The following CPEB3 variants were observed in gnomAD, a reference collection of about 807,000 sequenced individuals.
CPEB3 encodes the protein cytoplasmic polyadenylation element binding protein 3.
Under a neutral mutation model 67.2 loss-of-function variants are expected in CPEB3, and 20 were observed. The ratio of observed to expected loss-of-function variants is 0.30; its 90% CI spans 0.21 to 0.43. The LOEUF (loss-of-function observed/expected upper bound fraction) is 0.43, where lower values mean the gene tolerates loss of function less well. CPEB3 is among the 20% of genes least tolerant of loss of function. The probability of loss-of-function intolerance (pLI) is 1.00; values close to 1 mark genes in which losing one functional copy is unlikely to be tolerated. For missense variants in CPEB3, 746 were observed against 968.6 expected (o/e 0.77, Z 3.05); for synonymous variants, 376 against 393.1 (o/e 0.96, Z 0.51).
chr10:92,243,889 C>A (rs1247883690), intron 1 of CPEB3, among the ~76,000 whole-genome samples: 1 of 152,102 alleles, frequency 6.6e-6, no homozygotes, highest in East Asian at 1.9e-4. Flanking sequence ...AATGCAGGAA[C>A]AAATCACTTA....
Position 92,221,755 on chromosome 10 carries a change from G to A in CPEB3, c.1005+17591C>T, listed in dbSNP as rs549335942. On this transcript the variant is annotated intron_variant, in intron 2 of 9. Coordinates refer to ENST00000265997, the MANE Select transcript of CPEB3 (RefSeq NM_014912.5). ...CCCAGCTACACAGAAGGCTGAGGCA[G>A]GAGGATAGCTTGAGCCCAGGAGTTC... Among the ~76,000 whole-genome samples, 5 of 152,276 alleles carry A rather than the reference G, an allele frequency of 3.3e-5. No individual in the cohort carries two copies. In the East Asian group the frequency reaches 9.7e-4, roughly 29 times the overall value.
chr10:92,153,394 C>T (rs533654714), intron 4 of CPEB3, among the ~76,000 whole-genome samples: 9 of 152,280 alleles, frequency 5.9e-5, no homozygotes, highest in Non-Finnish European at 1.2e-4. Flanking sequence ...ATAACAGTAA[C>T]TCTAATCATT....
intron 3 of CPEB3, among the ~76,000 whole-genome samples, chr10:92,188,889 T>C (rs1848826105): frequency 6.6e-6 from 1 of 152,182 alleles, no homozygotes; most frequent in African/African-American, 2.4e-5. Context: ...AGAGAAACTT[T>C]TAAAATTTCC....
chr10:92,240,063 G>A lies in CPEB3; in HGVS notation c.288C>T (p.Pro96=). 1.3e-6 allele frequency: 2 copies of A among 1,591,066 alleles called. No homozygotes were observed. The highest frequency in any genetic ancestry group is 1.7e-6 in the Non-Finnish European group (2 of 1,168,758). ...GCGACAGCGACGCGCCCGGTGCCGC[G>A]GGCTCCTGAGGCGGCGGCGGCTGCT... ...PPQQPPPPQE[P]AAPGASLSPS... is the part of the protein sequence containing the mutation. Residue 96 remains proline (P), a synonymous_variant, in exon 2 of 10, where the codon CCC becomes CCT. Transcript: ENST00000265997.
intron 2 of CPEB3, among the ~76,000 whole-genome samples, chr10:92,203,015 C>G (rs1849589962): frequency 6.7e-6 from 1 of 150,342 alleles, no homozygotes; most frequent in African/African-American, 2.4e-5. Flanking sequence ...CATCTTGGCT[C>G]ACTGCAACCT....
chr10:92,134,222 A>G (rs1845980980), intron 6 of CPEB3, among the ~76,000 whole-genome samples: 7 of 152,236 alleles, frequency 4.6e-5, no homozygotes, highest in Admixed American at 3.9e-4. Flanking sequence ...AGAGGAAGTC[A>G]AATTGTCCCT....
At chr10:92,199,240 A>T (rs541972385) in intron 2 of CPEB3, among the ~76,000 whole-genome samples, 2 of 151,886 alleles carry the variant, frequency 1.3e-5, no homozygotes, top group South Asian at 4.2e-4. Context: ...AAAAATCCAA[A>T]ATTAGTCAGG....
At chr10:92,188,356 A>C (rs777980021) in intron 3 of CPEB3, among the ~76,000 whole-genome samples, 15 of 140,428 alleles carry the variant, frequency 1.1e-4, no homozygotes, top group East Asian at 4.3e-4. Context: ...AAAAAAACCC[A>C]GGAGATTATT....
intron 6 of CPEB3, among the ~76,000 whole-genome samples, chr10:92,113,759 C>A (rs1188229559): frequency 6.6e-6 from 1 of 152,098 alleles, no homozygotes; most frequent in Non-Finnish European, 1.5e-5. Context: ...CGGTTGTCTC[C>A]CTATAGCAGC....
At chr10:92,280,141 G>T (rs979881708) in intron 1 of CPEB3, among the ~76,000 whole-genome samples, 4 of 151,748 alleles carry the variant, frequency 2.6e-5, no homozygotes, top group Non-Finnish European at 2.9e-5. Flanking sequence ...TCAAGAGTTC[G>T]AGACAAGCCT....
intron 1 of CPEB3, among the ~76,000 whole-genome samples, chr10:92,264,501 T>G (rs571205051): frequency 6.6e-6 from 1 of 152,094 alleles, no homozygotes; most frequent in African/African-American, 2.4e-5. Context: ...TTGCATACAA[T>G]CAGGCCTCTG....
At chr10:92,088,744 G>C (rs1300129335) in intron 8 of CPEB3, among the ~76,000 whole-genome samples, 1 of 152,074 alleles carries the variant, frequency 6.6e-6, no homozygotes, top group Non-Finnish European at 1.5e-5. Flanking sequence ...AATCCACCTG[G>C]ACATCTAAAA....
intron 6 of CPEB3, among the ~76,000 whole-genome samples, chr10:92,131,442 A>C (rs930074292): frequency 1.1e-4 from 17 of 152,216 alleles, no homozygotes; most frequent in Middle Eastern, 3.2e-3. Context: ...CATATACACG[A>C]AGAAGGCAGA....
intron 8 of CPEB3, among the ~76,000 whole-genome samples, chr10:92,087,892 G>T (rs1163932647): frequency 1.3e-5 from 2 of 152,132 alleles, no homozygotes; most frequent in African/African-American, 4.8e-5. Context: ...TTATTACCCT[G>T]TACTGACTCT....
chr10:92,140,020 C>G (rs1315237030), intron 6 of CPEB3, among the ~76,000 whole-genome samples: 6 of 148,684 alleles, frequency 4.0e-5, no homozygotes, highest in Non-Finnish European at 8.9e-5. Flanking sequence ...TTGCAGAAGC[C>G]GAGATCACAC....
intron 1 of CPEB3, among the ~76,000 whole-genome samples, chr10:92,280,631 G>T (rs1381285487): frequency 1.4e-5 from 2 of 146,726 alleles, no homozygotes; most frequent in Non-Finnish European, 3.0e-5. Context: ...CAGAGGATGC[G>T]GTGGTTTCAG....
At chr10:92,168,727 T>C (rs1022002656) in intron 4 of CPEB3, among the ~76,000 whole-genome samples, 1 of 151,894 alleles carries the variant, frequency 6.6e-6, no homozygotes, top group African/African-American at 2.4e-5. Context: ...CCTTCTGCCA[T>C]GATTGTAAGT....
intron 6 of CPEB3, among the ~76,000 whole-genome samples, chr10:92,131,400 T>C (rs1845836965): frequency 6.6e-6 from 1 of 152,202 alleles, no homozygotes; most frequent in Non-Finnish European, 1.5e-5. Flanking sequence ...AATTCTCAGT[T>C]AACAATTTAA....
intron 8 of CPEB3, among the ~76,000 whole-genome samples, chr10:92,083,794 T>C (rs756066152): frequency 3.9e-5 from 6 of 152,194 alleles, no homozygotes; most frequent in Non-Finnish European, 7.3e-5. Context: ...GTGCCTGATT[T>C]AGAAAGAAGG....
Sources: allele counts gnomAD v4.1 joint callset (sites outside exome capture counted in the v4.1 genomes callset), GRCh38; gene constraint gnomAD v4.1.1; transcripts MANE v1.5; gene names NCBI Gene and HGNC (gene_info 2026-07-23, HGNC 2026-07-21).